CCDC102B: variants seen among roughly 807,000 people sequenced by gnomAD.
CCDC102B encodes coiled-coil domain containing 102B.
CCDC102B carries 75 observed loss-of-function variants against 57.4 expected under a neutral mutation model. The ratio of observed to expected loss-of-function variants is 1.31; its 90% CI spans 1.08 to 1.58. The LOEUF (loss-of-function observed/expected upper bound fraction) is 1.58. Ranked by LOEUF, CCDC102B falls within the 40% of genes most tolerant of loss-of-function variation. The probability of loss-of-function intolerance (pLI) is 0.00; values close to 1 mark genes in which losing one functional copy is unlikely to be tolerated. For synonymous variants in CCDC102B, 206 were observed against 201.9 expected (o/e 1.02, Z -0.17); for missense variants, 636 against 582.6 (o/e 1.09, Z -0.94).
At chr18:68,960,648 T>C (rs982282404) in intron 6 of CCDC102B, among the ~76,000 whole-genome samples, 18 of 152,158 alleles carry the variant, frequency 1.2e-4, no homozygotes, top group African/African-American at 4.3e-4. Flanking sequence ...GAGAGCATTA[T>C]AGTCTGTGGT....
At chr18:68,862,799 T>G (rs2038818268) in intron 4 of CCDC102B, among the ~76,000 whole-genome samples, 1 of 152,088 alleles carries the variant, frequency 6.6e-6, no homozygotes, top group African/African-American at 2.4e-5. Context: ...AAAGGTTTTA[T>G]TATGGAAAAC....
intron 1 of CCDC102B, among the ~76,000 whole-genome samples, chr18:68,811,891 C>G (rs1175395639): frequency 1.3e-5 from 2 of 152,090 alleles, no homozygotes; most frequent in African/African-American, 4.8e-5. Context: ...AAATATTGGG[C>G]TGAGGTAGGA....
intron 6 of CCDC102B, among the ~76,000 whole-genome samples, chr18:68,951,795 G>C (rs1420078928): frequency 9.4e-5 from 14 of 148,570 alleles, no homozygotes; most frequent in Admixed American, 9.4e-4. Context: ...GCAACAGAGT[G>C]AGACCCTGTC....
chr18:68,760,545 C>G (rs546850200), intron 2 of CCDC102B, among the ~76,000 whole-genome samples: 1 of 152,184 alleles, frequency 6.6e-6, no homozygotes, highest in East Asian at 1.9e-4. Context: ...CCTTCCAAAG[C>G]CTTGTAATTG....
intron 2 of CCDC102B, among the ~76,000 whole-genome samples, chr18:68,744,224 G>C (rs1241532038): frequency 6.6e-6 from 1 of 152,188 alleles, no homozygotes; most frequent in African/African-American, 2.4e-5. Flanking sequence ...TAGGAAATGA[G>C]ATAGAGAAAT....
chr18:68,871,398 A>T (rs1336023393), intron 4 of CCDC102B, among the ~76,000 whole-genome samples: 2 of 132,934 alleles, frequency 1.5e-5, no homozygotes, highest in Non-Finnish European at 3.4e-5. Context: ...CACTGCTTTA[A>T]ATTTTTCAGC....
At chr18:68,962,502 G>GA (rs1391788542) in intron 6 of CCDC102B, among the ~76,000 whole-genome samples, 1 of 151,730 alleles carries the variant, frequency 6.6e-6, no homozygotes, top group Non-Finnish European at 1.5e-5. Flanking sequence ...GCTTATATTT[G>GA]AAAAAATATT....
chr18:68,776,395 C>A (rs773865993), intron 2 of CCDC102B, among the ~76,000 whole-genome samples: 1 of 152,096 alleles, frequency 6.6e-6, no homozygotes, highest in Non-Finnish European at 1.5e-5. Flanking sequence ...TTCACAATAA[C>A]AAAGACACGG....
chr18:68,782,184 T>C (rs1323910884), intron 2 of CCDC102B, among the ~76,000 whole-genome samples: 1 of 152,106 alleles, frequency 6.6e-6, no homozygotes, highest in Non-Finnish European at 1.5e-5. Context: ...TTTGTACTTC[T>C]AGGATTTGGA....
intron 1 of CCDC102B, among the ~76,000 whole-genome samples, chr18:68,811,192 A>G (rs762583441): frequency 2.6e-5 from 4 of 152,230 alleles, no homozygotes; most frequent in East Asian, 1.9e-4. Flanking sequence ...AGAATGATTT[A>G]TAATCCTTTG....
At chr18:68,754,053 C>G (rs2033957657) in intron 2 of CCDC102B, 1 of 152,090 alleles carries the variant, frequency 6.6e-6, no homozygotes, top group Non-Finnish European at 1.5e-5. Flanking sequence ...TGATTGTAAT[C>G]AATCTATCAA....
intron 7 of CCDC102B, among the ~76,000 whole-genome samples, chr18:69,052,073 C>T (rs1056070294): frequency 6.6e-6 from 1 of 150,996 alleles, no homozygotes; most frequent in African/African-American, 2.4e-5. Flanking sequence ...AATGATAAAC[C>T]TGCCAAAAAT....
chr18:69,042,645 G>A (rs1015266498), intron 7 of CCDC102B, among the ~76,000 whole-genome samples: 8 of 152,148 alleles, frequency 5.3e-5, no homozygotes, highest in South Asian at 4.2e-4. Context: ...AACCATTTCT[G>A]TCACTCTAGA....
intron 4 of CCDC102B, chr18:68,866,934 C>T (rs2039011779): frequency 4.0e-6 from 2 of 501,792 alleles, no homozygotes; most frequent in African/African-American, 2.0e-5. Flanking sequence ...ATGTGGTACC[C>T]GGGAATAGCC....
Position 68,911,524 on chromosome 18 carries a change from G to A in CCDC102B, c.1263+14096G>A, listed in dbSNP as rs868500239. On this transcript the variant is annotated intron_variant, in intron 6 of 7. Coordinates refer to ENST00000360242, the MANE Select transcript of CCDC102B (RefSeq NM_024781.3). ...TCCCAGCACTTTGGGAGGCCGAGGC[G>A]GGCGGATCACGAGGTCAGGAGATCG... Among the ~76,000 whole-genome samples the A allele has an allele frequency of 7.9e-5, 12 of 151,342 alleles. No homozygotes were observed. In the South Asian group the frequency reaches 1.0e-3, roughly 13 times the overall value.
chr18:68,795,537 T>C (rs2035601293), upstream of CCDC102B, among the ~76,000 whole-genome samples: 1 of 152,158 alleles, frequency 6.6e-6, no homozygotes, highest in Non-Finnish European at 1.5e-5. Flanking sequence ...TTTTTGACTC[T>C]TCCTAATTTT....
At chr18:68,837,433 A>G (rs2037433818) in intron 2 of CCDC102B, 64 bp downstream of exon 2, 4 of 1,477,178 alleles carry the variant, frequency 2.7e-6, no homozygotes, top group Non-Finnish European at 3.7e-6. Context: ...GGGGAGGAAG[A>G]AGGAAGTGAC....
chr18:68,926,315 G>T (rs569991317), intron 6 of CCDC102B, among the ~76,000 whole-genome samples: 2 of 151,608 alleles, frequency 1.3e-5, no homozygotes, highest in Non-Finnish European at 2.9e-5. Context: ...ATTTTTTAAT[G>T]ACTACTTCTG....
At chr18:68,996,232 G>A (rs1273374625) in intron 6 of CCDC102B, among the ~76,000 whole-genome samples, 1 of 152,118 alleles carries the variant, frequency 6.6e-6, no homozygotes, top group African/African-American at 2.4e-5. Flanking sequence ...GAGGAACATG[G>A]AAGGACCAGA....
Sources: allele counts gnomAD v4.1 joint callset (sites outside exome capture counted in the v4.1 genomes callset), GRCh38; gene constraint gnomAD v4.1.1; transcripts MANE v1.5; gene names NCBI Gene and HGNC (gene_info 2026-07-23, HGNC 2026-07-21).